The following RNF220 variants were observed in gnomAD, a reference collection of about 807,000 sequenced individuals.
RNF220 encodes the protein E3 ubiquitin-protein ligase RNF220.
Under a neutral mutation model 67.1 loss-of-function variants are expected in RNF220, and 7 were observed. The observed-to-expected ratio is 0.10, with a 90% CI of 0.06 to 0.20. RNF220 has a LOEUF of 0.20. Ranked by LOEUF, RNF220 falls within the 10% of genes least tolerant of loss-of-function variation. RNF220 has a pLI of 1.00. For synonymous variants in RNF220, 270 were observed against 283.2 expected (o/e 0.95, Z 0.47); for missense variants, 565 against 740.3 (o/e 0.76, Z 2.75).
At chr1:44,508,130 T>G (rs1658612238) in intron 2 of RNF220, among the ~76,000 whole-genome samples, 1 of 137,092 alleles carries the variant, frequency 7.3e-6, no homozygotes. Context: ...TTTGAAAAGC[T>G]GTGTGGAGCA....
chr1:44,649,597 C>T lies in RNF220; in HGVS notation c.1446-64C>T, dbSNP rs1282551999. The T allele has an allele frequency of 1.3e-5, 19 of 1,436,388 alleles. No homozygotes were observed. In the African/African-American group the frequency reaches 1.4e-4, roughly 11 times the overall value. The allele number at this position is 1,436,388 out of a possible 1,614,324, so 89.0% of individuals were successfully genotyped here. ...ATTTGGTTCTGGAATTCAAGGGAGG[C>T]GTAGGCTGGAGGTACAGATGAGAGA... On this transcript the variant is annotated intron_variant, in intron 12 of 14. Transcript: ENST00000361799. This position sits in a 1 kb window ranked among gnomAD's most constrained non-coding sequence, Gnocchi z 5.9.
At position 44,650,885 on chromosome 1, in the gene RNF220, T is replaced by C; in HGVS notation, c.*110T>C. 1.1e-6 allele frequency: 1 copy of C among 885,218 alleles called. No individual in the cohort carries two copies. The highest frequency in any genetic ancestry group is 1.9e-6 in the Non-Finnish European group (1 of 538,124). The allele number at this position is 885,218 out of a possible 1,614,324, so 54.8% of individuals were successfully genotyped here. ...CTTGCACACAGGTTCCCCATGTACA[T>C]ACATGCACATACTCAAACATGCGTA... On this transcript the variant is annotated 3_prime_UTR_variant, in exon 15 of 15. Transcript: ENST00000361799. This position sits in a 1 kb window ranked among gnomAD's most constrained non-coding sequence, Gnocchi z 4.3.
At chr1:44,492,118 T>C (rs888752263) in intron 2 of RNF220, among the ~76,000 whole-genome samples, 2 of 152,174 alleles carry the variant, frequency 1.3e-5, no homozygotes, top group African/African-American at 4.8e-5. Flanking sequence ...AGAATCTGAA[T>C]ATTTATCTAA....
chr1:44,490,312 T>TA (rs1219127316), intron 2 of RNF220, among the ~76,000 whole-genome samples: 2 of 150,476 alleles, frequency 1.3e-5, no homozygotes, highest in African/African-American at 4.9e-5. Context: ...CTAGTAAAGA[T>TA]AAAAAAAATT....
chr1:44,643,059 C>T (rs1360754306), intron 8 of RNF220: 2 of 152,456 alleles, frequency 1.3e-5, no homozygotes, highest in African/African-American at 2.4e-5. Flanking sequence ...GCTTAATGGC[C>T]CTGCTGCTGA....
chr1:44,584,379 A>C (rs1665542429), intron 2 of RNF220, among the ~76,000 whole-genome samples: 1 of 152,252 alleles, frequency 6.6e-6, no homozygotes, highest in Admixed American at 6.5e-5. Flanking sequence ...AGCCCTTGTC[A>C]AATTCCAAAG....
intron 2 of RNF220, among the ~76,000 whole-genome samples, chr1:44,500,144 T>C (rs1214897000): frequency 2.0e-5 from 3 of 152,220 alleles, no homozygotes; most frequent in Admixed American, 6.5e-5. Context: ...TGGCTTGCCA[T>C]TCGTTCAAAG....
intron 2 of RNF220, among the ~76,000 whole-genome samples, chr1:44,514,702 A>C (rs1659316853): frequency 6.6e-6 from 1 of 152,230 alleles, no homozygotes; most frequent in African/African-American, 2.4e-5. Context: ...AAAAAGATAT[A>C]TCTTTTGGCT....
intron 2 of RNF220, among the ~76,000 whole-genome samples, chr1:44,601,429 G>A (rs192433003): frequency 2.0e-5 from 3 of 152,320 alleles, no homozygotes; most frequent in Admixed American, 2.0e-4. Flanking sequence ...AGACGTGGGA[G>A]TTGATATGCT....
intron 3 of RNF220, among the ~76,000 whole-genome samples, chr1:44,618,879 G>A (rs1169382132): frequency 6.6e-6 from 1 of 152,234 alleles, no homozygotes; most frequent in Admixed American, 6.5e-5. Context: ...AGAAGCCACA[G>A]GACTTAGTTG....
chr1:44,590,234 A>G (rs1219376045), intron 2 of RNF220, among the ~76,000 whole-genome samples: 1 of 152,366 alleles, frequency 6.6e-6, no homozygotes, highest in East Asian at 1.9e-4. Context: ...CCAGCCTTCC[A>G]GGCAATCACT....
chr1:44,430,441 T>C (rs978299748), intron 2 of RNF220, among the ~76,000 whole-genome samples: 2 of 152,214 alleles, frequency 1.3e-5, no homozygotes, highest in Non-Finnish European at 2.9e-5. Flanking sequence ...ATATTAATAA[T>C]AGTGACAACT....
At chr1:44,518,340 G>A (rs528495327) in intron 2 of RNF220, among the ~76,000 whole-genome samples, 6 of 152,252 alleles carry the variant, frequency 3.9e-5, no homozygotes, top group Admixed American at 2.6e-4. Flanking sequence ...TAGGAGGATC[G>A]CTTGAGCTCG....
At chr1:44,426,407 G>C (rs567960018) in intron 2 of RNF220, among the ~76,000 whole-genome samples, 1 of 152,326 alleles carries the variant, frequency 6.6e-6, no homozygotes, top group African/African-American at 2.4e-5. Flanking sequence ...TGGGCCAGGA[G>C]GATTGGAAAG....
At chr1:44,489,960 C>T (rs934888719) in intron 2 of RNF220, among the ~76,000 whole-genome samples, 2 of 152,226 alleles carry the variant, frequency 1.3e-5, no homozygotes, top group African/African-American at 2.4e-5. Context: ...TCCTTACAAA[C>T]CCTGCTCAGT....
chr1:44,556,687 GT>G (rs1663116069), intron 2 of RNF220, among the ~76,000 whole-genome samples: 1 of 151,972 alleles, frequency 6.6e-6, no homozygotes, highest in South Asian at 2.1e-4. Flanking sequence ...AGTCTCCCTA[GT>G]AGCTGGGACT....
chr1:44,476,578 G>A (rs1325450719), intron 2 of RNF220, among the ~76,000 whole-genome samples: 18 of 152,166 alleles, frequency 1.2e-4, no homozygotes, highest in Admixed American at 1.2e-3. Flanking sequence ...CTCTCACAGT[G>A]TGTGGTCTGT....
At chr1:44,460,589 G>C (rs894492424) in intron 2 of RNF220, among the ~76,000 whole-genome samples, 3 of 152,164 alleles carry the variant, frequency 2.0e-5, no homozygotes, top group Non-Finnish European at 4.4e-5. Flanking sequence ...GTTCATTGAG[G>C]GTTCTCACAA....
At chr1:44,468,668 C>CT (rs1234086583) in intron 2 of RNF220, among the ~76,000 whole-genome samples, 1 of 152,134 alleles carries the variant, frequency 6.6e-6, no homozygotes, top group African/African-American at 2.4e-5. Context: ...AATTTCAGCA[C>CT]TGTGGGAGGC....
Sources: allele counts gnomAD v4.1 joint callset (sites outside exome capture counted in the v4.1 genomes callset), GRCh38; gene constraint gnomAD v4.1.1; non-coding constraint Gnocchi (gnomAD v3.1); transcripts MANE v1.5; gene names NCBI Gene and HGNC (gene_info 2026-07-23, HGNC 2026-07-21).